The following LRRC2 variants were observed in gnomAD, a reference collection of about 807,000 sequenced individuals.
LRRC2 encodes leucine rich repeat containing 2.
Under a neutral mutation model 40.2 loss-of-function variants are expected in LRRC2, and 27 were observed. The ratio of observed to expected loss-of-function variants is 0.67; its 90% CI spans 0.49 to 0.93. LRRC2 has a LOEUF of 0.93. Ranked by LOEUF, LRRC2 falls within the 40% of genes least tolerant of loss-of-function variation. The probability of loss-of-function intolerance (pLI) is 0.00; values close to 1 mark genes in which losing one functional copy is unlikely to be tolerated. For synonymous variants in LRRC2, 147 were observed against 158.9 expected (o/e 0.92, Z 0.56); for missense variants, 402 against 439.6 (o/e 0.91, Z 0.76).
At chr3:46,556,402 C>A (rs1704794939) in intron 1 of LRRC2, among the ~76,000 whole-genome samples, 1 of 152,066 alleles carries the variant, frequency 6.6e-6, no homozygotes, top group Non-Finnish European at 1.5e-5. Flanking sequence ...GCTGGGATGA[C>A]AGGCATGAGC....
intron 2 of LRRC2, 81 bp from the exon 3 acceptor site, chr3:46,545,334 G>T: frequency 8.4e-7 from 1 of 1,189,356 alleles, no homozygotes; most frequent in Non-Finnish European, 1.2e-6. Flanking sequence ...AGCCACCTGG[G>T]CATAGGTGCT....
At chr3:46,530,649 G>A (rs1304343501) in intron 5 of LRRC2, among the ~76,000 whole-genome samples, 1 of 152,224 alleles carries the variant, frequency 6.6e-6, no homozygotes, top group African/African-American at 2.4e-5. Flanking sequence ...CATGGTGGAA[G>A]GCAAAGGAGA....
intron 5 of LRRC2, among the ~76,000 whole-genome samples, chr3:46,530,377 C>T (rs1704137103): frequency 6.6e-6 from 1 of 152,036 alleles, no homozygotes; most frequent in Admixed American, 6.6e-5. Context: ...CCCAGAAGTT[C>T]AAGACCAGCC....
chr3:46,552,572 C>G (rs1430882237), intron 1 of LRRC2, among the ~76,000 whole-genome samples: 2 of 152,172 alleles, frequency 1.3e-5, no homozygotes, highest in Non-Finnish European at 2.9e-5. Flanking sequence ...ATTGCCTTTT[C>G]CATCCTCCTC....
chr3:46,530,714 C>T (rs1266825329), intron 5 of LRRC2, among the ~76,000 whole-genome samples: 2 of 152,200 alleles, frequency 1.3e-5, no homozygotes, highest in Non-Finnish European at 2.9e-5. Context: ...TGCAGAGGAA[C>T]TCCCATTTAT....
At position 46,529,980 on chromosome 3, in the gene LRRC2, A is replaced by T. The variant is rs1704130520; in HGVS notation, c.698T>A (p.Val233Asp). The change falls in exon 6 of 9, where the codon GTC becomes GAC. Residue 233 changes from valine (V) to aspartate (D), a missense_variant. Val to Asp is a radical substitution (Grantham distance 152, BLOSUM62 -3). Coordinates refer to ENST00000395905, the MANE Select transcript of LRRC2 (RefSeq NM_024512.5). The part of the protein sequence containing the change: ...ANKFSSVPIC[V>D]LRMSNLQWLD... ...CCACTGCAAATTCGACATCCGCAGGACACAGATTGGGACACTGGAAAACTT... is the reference window on the plus strand; with the variant it reads ...CCACTGCAAATTCGACATCCGCAGGTCACAGATTGGGACACTGGAAAACTT... 6.2e-7 allele frequency: 1 copy of T among 1,614,160 alleles called. No individual in the cohort carries two copies. The highest frequency in any genetic ancestry group is 8.5e-7 in the Non-Finnish European group (1 of 1,180,012).
chr3:46,547,714 GTGTGT>G (rs1704560038), intron 2 of LRRC2, among the ~76,000 whole-genome samples: 1 of 151,450 alleles, frequency 6.6e-6, no homozygotes, highest in South Asian at 2.1e-4. Context: ...GTATGTGTGT[GTGTGT>G]GTGTGTGTGT....
At chr3:46,555,049 T>C (rs1193917431) in intron 1 of LRRC2, among the ~76,000 whole-genome samples, 1 of 152,252 alleles carries the variant, frequency 6.6e-6, no homozygotes, top group Non-Finnish European at 1.5e-5. Context: ...TTTGGAGAAA[T>C]GTCTATTCAG....
At chr3:46,532,747 G>A (rs375174176) in intron 5 of LRRC2, 26 bp downstream of exon 5, 113 of 1,605,974 alleles carry the variant, frequency 7.0e-5, no homozygotes, top group Non-Finnish European at 8.3e-5. Context: ...AAAGTGAATC[G>A]TAGTACAGAA....
intron 4 of LRRC2, among the ~76,000 whole-genome samples, chr3:46,533,787 C>CTTTTCTTTG (rs1418594730): frequency 1.5e-5 from 2 of 136,892 alleles, no homozygotes; most frequent in Admixed American, 7.8e-5. Flanking sequence ...TTCTTTCTTT[C>CTTTTCTTTG]TTTCTTTCTT....
chr3:46,525,956 CT>C (rs1176787401), intron 7 of LRRC2, among the ~76,000 whole-genome samples: 1 of 150,082 alleles, frequency 6.7e-6, no homozygotes, highest in Non-Finnish European at 1.5e-5. Context: ...TTTCTTGTTT[CT>C]TTTTTTTTCT....
intron 1 of LRRC2, among the ~76,000 whole-genome samples, chr3:46,557,080 C>G (rs989173594): frequency 6.6e-6 from 1 of 152,174 alleles, no homozygotes; most frequent in Non-Finnish European, 1.5e-5. Context: ...GCCAAGCCAT[C>G]GAATCCCCTG....
At chr3:46,527,709 C>G in intron 6 of LRRC2, 128 bp from the exon 7 acceptor site, 1 of 747,292 alleles carries the variant, frequency 1.3e-6, no homozygotes, top group Non-Finnish European at 2.1e-6. Flanking sequence ...TTATGAGAAC[C>G]AACTTATTCT....
At chr3:46,529,671 T>G (rs536716623) in intron 6 of LRRC2, among the ~76,000 whole-genome samples, 1 of 152,316 alleles carries the variant, frequency 6.6e-6, no homozygotes, top group African/African-American at 2.4e-5. Context: ...CAAATTAAAG[T>G]TCATCAGGAC....
At chr3:46,533,167 T>G (rs1704192050) in intron 4 of LRRC2, among the ~76,000 whole-genome samples, 1 of 152,220 alleles carries the variant, frequency 6.6e-6, no homozygotes, top group African/African-American at 2.4e-5. Flanking sequence ...CTTTTAAGGC[T>G]CATGCCTTCA....
At chr3:46,549,926 T>G (rs186232142) in intron 2 of LRRC2, among the ~76,000 whole-genome samples, 49 of 152,348 alleles carry the variant, frequency 3.2e-4, no homozygotes, top group African/African-American at 1.2e-3. Flanking sequence ...CCTTGTATGA[T>G]TTATGTGAGT....
intron 3 of LRRC2, among the ~76,000 whole-genome samples, chr3:46,543,413 G>A (rs532661953): frequency 2.8e-4 from 42 of 152,158 alleles, no homozygotes; most frequent in African/African-American, 8.4e-4. Flanking sequence ...TCAGGAGATC[G>A]AGACCATCCT....
chr3:46,553,901 C>A (rs1230358810), intron 1 of LRRC2, among the ~76,000 whole-genome samples: 1 of 152,224 alleles, frequency 6.6e-6, no homozygotes, highest in South Asian at 2.1e-4. Flanking sequence ...TATAATTTTA[C>A]TCTAAAGAGC....
chr3:46,538,764 C>T (rs537245932), intron 4 of LRRC2, among the ~76,000 whole-genome samples: 1 of 152,322 alleles, frequency 6.6e-6, no homozygotes, highest in South Asian at 2.1e-4. Context: ...AGAAAATAAA[C>T]ACAGAGTTCC....
Sources: allele counts gnomAD v4.1 joint callset (sites outside exome capture counted in the v4.1 genomes callset), GRCh38; gene constraint gnomAD v4.1.1; transcripts MANE v1.5; gene names NCBI Gene and HGNC (gene_info 2026-07-23, HGNC 2026-07-21).